Variants in GALNT14 observed in about 807,000 individuals in gnomAD.
GALNT14 encodes UDP-GalNAc:polypeptide N-acetylgalactosaminyltransferase 14.
A neutral mutation model predicts 77.5 loss-of-function variants in GALNT14; 60 were observed. The ratio of observed to expected loss-of-function variants is 0.77; its 90% CI spans 0.63 to 0.96. GALNT14 has a LOEUF of 0.96. GALNT14 is among the 40% of genes least tolerant of loss of function. The pLI is 0.00. For synonymous variants in GALNT14, 280 were observed against 281.7 expected (o/e 0.99, Z 0.06); for missense variants, 710 against 731.0 (o/e 0.97, Z 0.33).
chr2:31,093,513 T>C (rs2365197), intron 1 of GALNT14, among the ~76,000 whole-genome samples: 90,496 of 152,068 alleles, frequency 0.6, 28,061 homozygotes, highest in African/African-American at 0.76. Flanking sequence ...AGAGGCCATG[T>C]CCCCTTGAGA....
chr2:30,909,533 T>C (rs1489375696), downstream of GALNT14, among the ~76,000 whole-genome samples: 35 of 150,184 alleles, frequency 2.3e-4, no homozygotes, highest in South Asian at 3.8e-3. Flanking sequence ...CCAGTTAGAA[T>C]GGCAATCATT....
chr2:30,948,313 G>A (rs1479302867), intron 6 of GALNT14, among the ~76,000 whole-genome samples: 1 of 152,222 alleles, frequency 6.6e-6, no homozygotes, highest in Admixed American at 6.5e-5. Context: ...CCCTTGCCCA[G>A]CTCCTGGGAG....
intron 1 of GALNT14, among the ~76,000 whole-genome samples, chr2:31,061,195 T>A (rs1674569502): frequency 2.0e-5 from 3 of 151,984 alleles, no homozygotes; most frequent in South Asian, 4.2e-4. Flanking sequence ...TACAACCTCA[T>A]CTCCACCTCC....
chr2:31,075,541 T>C (rs1347237833), intron 1 of GALNT14, among the ~76,000 whole-genome samples: 1 of 152,188 alleles, frequency 6.6e-6, no homozygotes, highest in Non-Finnish European at 1.5e-5. Flanking sequence ...CAGCTGGACA[T>C]GGCAGCATTT....
At position 31,076,627 on chromosome 2, in the gene GALNT14, A is replaced by AT. The variant is rs1197999580; in HGVS notation, c.129+61330dup. On this transcript the variant is annotated intron_variant, in intron 1 of 14. Coordinates refer to ENST00000349752, the MANE Select transcript of GALNT14 (RefSeq NM_024572.4). ...GGTGTGTATACATATATATATATAT[A>AT]TATTTTTTTTTTTTTTACATGTACA... Among the ~76,000 whole-genome samples the AT allele has an allele frequency of 2.8e-3, 332 of 120,068 alleles. 2 individuals are homozygous for AT. Among genetic ancestry groups the AT allele is most frequent in the African/African-American group, 0.01 (312 of 30,454 alleles). The allele number at this position is 120,068 out of a possible 152,430, so 78.8% of individuals were successfully genotyped here. A position where few individuals can be genotyped will look rare whatever the true frequency, so the allele number is the denominator to read the frequency against.
At chr2:30,889,286 C>A in the GALNT14 span, among the ~76,000 whole-genome samples, 1 of 152,160 alleles carries the variant, frequency 6.6e-6, no homozygotes, top group Non-Finnish European at 1.5e-5. Flanking sequence ...TACTCAGGAG[C>A]TGCGGTGTTT....
At chr2:30,934,170 T>G (rs1007722529) in intron 9 of GALNT14, among the ~76,000 whole-genome samples, 2 of 152,172 alleles carry the variant, frequency 1.3e-5, no homozygotes, top group Non-Finnish European at 2.9e-5. Context: ...GTTTTTCACA[T>G]GAGTCATTGA....
At chr2:31,028,599 T>A (rs1672221417) in intron 1 of GALNT14, among the ~76,000 whole-genome samples, 1 of 152,210 alleles carries the variant, frequency 6.6e-6, no homozygotes, top group South Asian at 2.1e-4. Flanking sequence ...GCTGCTTTAT[T>A]ATCAATATGC....
chr2:30,932,768 A>T (rs1347540785), intron 9 of GALNT14, among the ~76,000 whole-genome samples: 2 of 152,226 alleles, frequency 1.3e-5, no homozygotes, highest in African/African-American at 4.8e-5. Context: ...AGGTGTCCAC[A>T]AAAGTTCCTT....
chr2:30,962,259 A>G (rs1296676744), intron 3 of GALNT14, among the ~76,000 whole-genome samples: 4 of 152,212 alleles, frequency 2.6e-5, no homozygotes, highest in Non-Finnish European at 5.9e-5. Flanking sequence ...TTTTGCAGAA[A>G]AGGAAACTGA....
At chr2:31,107,131 A>T (rs1219917251) in intron 1 of GALNT14, among the ~76,000 whole-genome samples, 1 of 152,184 alleles carries the variant, frequency 6.6e-6, no homozygotes, top group Non-Finnish European at 1.5e-5. Context: ...TGCCAAAAAC[A>T]TTGTTTCTTG....
At chr2:31,039,603 C>T (rs970987230) in intron 1 of GALNT14, among the ~76,000 whole-genome samples, 1 of 152,170 alleles carries the variant, frequency 6.6e-6, no homozygotes, top group African/African-American at 2.4e-5. Flanking sequence ...TCATATGTTC[C>T]CTCAACCACT....
intron 3 of GALNT14, among the ~76,000 whole-genome samples, chr2:30,959,497 C>A (rs1335462865): frequency 6.6e-6 from 1 of 152,202 alleles, no homozygotes; most frequent in Non-Finnish European, 1.5e-5. Flanking sequence ...CAGCTACTTA[C>A]TACAAGCTGT....
At chr2:30,890,126 C>A in the GALNT14 span, among the ~76,000 whole-genome samples, 1 of 152,154 alleles carries the variant, frequency 6.6e-6, no homozygotes, top group African/African-American at 2.4e-5. Flanking sequence ...ATTTCACCCA[C>A]CACAGTAATG....
At chr2:31,041,260 A>G (rs1428292270) in intron 1 of GALNT14, among the ~76,000 whole-genome samples, 1 of 152,186 alleles carries the variant, frequency 6.6e-6, no homozygotes, top group African/African-American at 2.4e-5. Flanking sequence ...TGAGGAAGAT[A>G]TGAGAAGGGG....
intron 1 of GALNT14, among the ~76,000 whole-genome samples, chr2:31,000,871 T>C (rs1298281691): frequency 1.3e-5 from 2 of 152,142 alleles, no homozygotes; most frequent in Non-Finnish European, 2.9e-5. Flanking sequence ...CTTATTAGAA[T>C]CCCAGAGGGA....
intron 1 of GALNT14, among the ~76,000 whole-genome samples, chr2:31,036,859 T>A (rs1051464870): frequency 2.0e-5 from 3 of 152,214 alleles, no homozygotes; most frequent in Non-Finnish European, 4.4e-5. Flanking sequence ...CAATGAGAAG[T>A]CAGCTGTTAA....
At chr2:31,105,112 T>C (rs938797626) in intron 1 of GALNT14, among the ~76,000 whole-genome samples, 3 of 152,228 alleles carry the variant, frequency 2.0e-5, no homozygotes, top group Admixed American at 2.0e-4. Context: ...GAAGAGTCTC[T>C]TCTCTTGCAC....
At chr2:30,974,325 C>T (rs1668520354) in intron 2 of GALNT14, among the ~76,000 whole-genome samples, 1 of 152,258 alleles carries the variant, frequency 6.6e-6, no homozygotes, top group South Asian at 2.1e-4. Flanking sequence ...GCAGCAACTT[C>T]CTCTCTGGCT....
Sources: gnomAD v4.1 joint callset for allele counts (sites outside exome capture counted in the v4.1 genomes callset) on GRCh38, gnomAD v4.1.1 for gene constraint, MANE v1.5 for transcripts, NCBI Gene and HGNC (gene_info 2026-07-23, HGNC 2026-07-21) for gene names.